FBXO21: variants seen among roughly 807,000 people sequenced by gnomAD.
FBXO21 encodes the protein F-box only protein 21.
In FBXO21, 32 loss-of-function variants were observed where a neutral mutation model predicts 76.6. The ratio of observed to expected loss-of-function variants is 0.42; its 90% CI spans 0.32 to 0.56. FBXO21 has a LOEUF of 0.56. Ranked by LOEUF, FBXO21 falls within the 20% of genes least tolerant of loss-of-function variation. The probability of loss-of-function intolerance (pLI) is 0.16; values close to 1 mark genes in which losing one functional copy is unlikely to be tolerated. For synonymous variants in FBXO21, 328 were observed against 311.5 expected (o/e 1.05, Z -0.56); for missense variants, 586 against 797.3 (o/e 0.73, Z 3.19).
At chr12:117,170,194 T>C (rs1466240740) in intron 7 of FBXO21, among the ~76,000 whole-genome samples, 5 of 136,236 alleles carry the variant, frequency 3.7e-5, no homozygotes, top group Non-Finnish European at 8.0e-5. Context: ...TCTAACAAGA[T>C]GTTAGCTTGA....
At chr12:117,162,587 G>A (rs1955994238) in intron 9 of FBXO21, among the ~76,000 whole-genome samples, 1 of 152,148 alleles carries the variant, frequency 6.6e-6, no homozygotes, top group African/African-American at 2.4e-5. Context: ...TCATAACCCT[G>A]CATTACTGTG....
chr12:117,158,028 G>A lies in FBXO21; in HGVS notation c.1362C>T (p.Asp454=), dbSNP rs1955936972. 1 of 1,614,128 alleles carries A rather than the reference G, an allele frequency of 6.2e-7. No individual in the cohort carries two copies. Among genetic ancestry groups the A allele is most frequent in the South Asian group, 1.1e-5 (1 of 91,090 alleles). ...LDILQHIQTL[D]PGQHGAVGYL... is the part of the protein sequence containing the mutation. ...AGCCCACCGCCCCGTGCTGCCCCGG[G>A]TCTAGGGTTTGGATGTGCTGGAGGA... The change falls in exon 10 of 12, where the codon GAC becomes GAT. Residue 454 remains aspartate (D), a synonymous_variant. Coordinates refer to ENST00000622495, the MANE Select transcript of FBXO21 (RefSeq NM_015002.3).
chr12:117,187,480 C>T (rs1198146080), intron 2 of FBXO21, among the ~76,000 whole-genome samples: 1 of 147,442 alleles, frequency 6.8e-6, no homozygotes, highest in Non-Finnish European at 1.5e-5. Flanking sequence ...TGGCTTCTCT[C>T]AGTTTTCTTT....
chr12:117,185,283 G>A (rs1956271036), intron 3 of FBXO21, among the ~76,000 whole-genome samples: 1 of 151,648 alleles, frequency 6.6e-6, no homozygotes, highest in African/African-American at 2.4e-5. Context: ...CTCATCCAAG[G>A]CCTAGAATAG....
Position 117,143,978 on chromosome 12 carries a change from A to G in FBXO21, c.*2109T>C, listed in dbSNP as rs964589627. The G allele has an allele frequency of 1.8e-4, 28 of 152,698 alleles. No homozygotes were observed. The highest frequency in any genetic ancestry group is 6.3e-4 in the African/African-American group (26 of 41,470). The allele number at this position is 152,698 out of a possible 1,614,324, so 9.5% of individuals were successfully genotyped here. A position where few individuals can be genotyped will look rare whatever the true frequency, so the allele number is the denominator to read the frequency against. On this transcript the variant is annotated 3_prime_UTR_variant, in exon 12 of 12. Coordinates refer to ENST00000622495, the MANE Select transcript of FBXO21 (RefSeq NM_015002.3). Reference sequence around the variant, plus strand: ...AGAAACTTATGATTTATTAGAGTACAGGATCCAAAACACGTTTTTAGAAAA... The same window carrying G: ...AGAAACTTATGATTTATTAGAGTACGGGATCCAAAACACGTTTTTAGAAAA...
intron 2 of FBXO21, 188 bp downstream of exon 2, chr12:117,189,035 CACAG>C (rs1956317968): frequency 6.1e-6 from 4 of 653,318 alleles, no homozygotes; most frequent in East Asian, 5.6e-5. Flanking sequence ...GTAAAGCTGG[CACAG>C]ACAAATGGCT....
chr12:117,180,712 G>A (rs143969891), intron 3 of FBXO21, among the ~76,000 whole-genome samples: 1,985 of 151,942 alleles, frequency 0.013, 34 homozygotes, highest in African/African-American at 0.044. Context: ...TGCAATCTCC[G>A]CCTCCCGGGT....
intron 7 of FBXO21, among the ~76,000 whole-genome samples, chr12:117,168,279 A>G (rs977078540): frequency 6.6e-6 from 1 of 152,174 alleles, no homozygotes; most frequent in African/African-American, 2.4e-5. Flanking sequence ...TAATCTCAGC[A>G]CTTTGGGAGG....
intron 10 of FBXO21, 106 bp from the exon 11 acceptor site, chr12:117,156,054 C>A: frequency 9.9e-7 from 1 of 1,009,244 alleles, no homozygotes; most frequent in Admixed American, 1.9e-5. Context: ...TGCTTTACTC[C>A]ACGGTGAATC....
chr12:117,189,937 A>C (rs537316809), intron 1 of FBXO21, among the ~76,000 whole-genome samples: 3 of 152,312 alleles, frequency 2.0e-5, no homozygotes, highest in Middle Eastern at 3.4e-3. Context: ...GGCACAAAAG[A>C]AGCGCGCAAA....
At chr12:117,160,565 GCCC>G (rs926058030) in intron 9 of FBXO21, among the ~76,000 whole-genome samples, 5 of 152,128 alleles carry the variant, frequency 3.3e-5, no homozygotes, top group African/African-American at 9.7e-5. Flanking sequence ...GGCATAAACT[GCCC>G]CCGTGTTGAA....
At chr12:117,156,549 G>T (rs556126480) in intron 10 of FBXO21, among the ~76,000 whole-genome samples, 1 of 152,320 alleles carries the variant, frequency 6.6e-6, no homozygotes, top group African/African-American at 2.4e-5. Context: ...CTGCCTTTTA[G>T]AGGTACATAC....
At position 117,143,628 on chromosome 12, in the gene FBXO21, T is replaced by C. The variant is rs1955737964; in HGVS notation, c.*2459A>G. 1 of 152,644 alleles carries C rather than the reference T, an allele frequency of 6.6e-6. No homozygotes were observed. Among genetic ancestry groups the C allele is most frequent in the South Asian group, 2.1e-4 (1 of 4,828 alleles). 9.5% of individuals were successfully genotyped at this position (152,644 alleles called of 1,614,324 possible). A position where few individuals can be genotyped will look rare whatever the true frequency, so the allele number is the denominator to read the frequency against. Reference sequence around the variant, plus strand: ...AAATTAACGTTTGGCAAGGAGGTCATGGTTTACAGGTAGGCTGTCCGCTCA... The same window carrying C: ...AAATTAACGTTTGGCAAGGAGGTCACGGTTTACAGGTAGGCTGTCCGCTCA... On this transcript the variant is annotated 3_prime_UTR_variant, in exon 12 of 12. Coordinates refer to ENST00000622495, the MANE Select transcript of FBXO21 (RefSeq NM_015002.3).
rs899344831 is a variant in FBXO21, at chr12:117,161,945, C to T, written c.1326+3540G>A. 2.6e-5 allele frequency among the ~76,000 whole-genome samples: 4 copies of T among 152,164 alleles called. No homozygotes were observed. The East Asian group carries it at 7.7e-4, about 29-fold the overall frequency. On this transcript the variant is annotated intron_variant, in intron 9 of 11. Coordinates refer to ENST00000622495, the MANE Select transcript of FBXO21 (RefSeq NM_015002.3). ...AAAAAGTATGTACTGCATTTATCAA[C>T]GAGGAGAATGGTTTCAGCCAAAGAG...
At position 117,165,471 on chromosome 12, in the gene FBXO21, A is replaced by G. The variant is rs1418029221; in HGVS notation, c.1326+14T>C. 4 of 1,611,894 alleles carry G rather than the reference A, an allele frequency of 2.5e-6. No individual in the cohort carries two copies. The highest frequency in any genetic ancestry group is 3.4e-6 in the Non-Finnish European group (4 of 1,179,198). On this transcript the variant is annotated intron_variant, in intron 9 of 11. Coordinates refer to ENST00000622495, the MANE Select transcript of FBXO21 (RefSeq NM_015002.3). ...TTCTAAGGCAAGTGCAAAGCATCAA[A>G]GTAAAATAATTACCTTCTCTGGCCA...
Position 117,143,740 on chromosome 12 carries a change from G to A in FBXO21, c.*2347C>T, listed in dbSNP as rs1441622720. ...AGACATTCTACTCAAGTCATGGCTG[G>A]GCTTTCTGTCCTCAAACGAAATTGG... On this transcript the variant is annotated 3_prime_UTR_variant, in exon 12 of 12. Coordinates refer to ENST00000622495, the MANE Select transcript of FBXO21 (RefSeq NM_015002.3). 2 of 152,556 alleles carry A rather than the reference G, an allele frequency of 1.3e-5. No homozygotes were observed. The highest frequency in any genetic ancestry group is 2.1e-4 in the South Asian group (1 of 4,824). The allele number at this position is 152,556 out of a possible 1,614,324, so 9.5% of individuals were successfully genotyped here.
intron 3 of FBXO21, among the ~76,000 whole-genome samples, chr12:117,185,804 T>A (rs189091002): frequency 1.3e-5 from 2 of 152,328 alleles, no homozygotes; most frequent in Admixed American, 6.5e-5. Flanking sequence ...AAAGATTCAA[T>A]TCATGATAGG....
intron 7 of FBXO21, among the ~76,000 whole-genome samples, chr12:117,168,470 G>A (rs970215897): frequency 2.0e-5 from 3 of 151,996 alleles, no homozygotes; most frequent in Non-Finnish European, 4.4e-5. Context: ...GTTGCAGTGA[G>A]TCAAGATCGC....
chr12:117,174,795 C>T lies in FBXO21; in HGVS notation c.595G>A (p.Ala199Thr). The stretch of plus-strand genomic sequence containing the variant: ...TTGCAGTACTGGTCAATATATACAG[C>T]ACCTGAAAATGAACAAGAATTACCG... ...PDDYESYLEGAVYIDQYCNPL... is the reference protein window; with the variant it reads ...PDDYESYLEGTVYIDQYCNPL... The change falls in exon 5 of 12, where the codon GCT becomes ACT. Residue 199 changes from alanine (A) to threonine (T), a missense_variant and splice_region_variant. This residue lies in a region of FBXO21 where 246 missense variants were observed against 356.8 expected (regional missense o/e 0.69). Coordinates refer to ENST00000622495, the MANE Select transcript of FBXO21 (RefSeq NM_015002.3). The T allele has an allele frequency of 1.2e-6, 2 of 1,609,404 alleles. No homozygotes were observed. The highest frequency in any genetic ancestry group is 1.7e-6 in the Non-Finnish European group (2 of 1,178,074).
Sources: gnomAD v4.1 joint callset for allele counts (sites outside exome capture counted in the v4.1 genomes callset) on GRCh38, gnomAD v4.1.1 for gene constraint, gnomAD v4.1.1 regional missense constraint, MANE v1.5 for transcripts, NCBI Gene and HGNC (gene_info 2026-07-23, HGNC 2026-07-21) for gene names.